The following CIMIP2A variants were observed in gnomAD, a reference collection of about 807,000 sequenced individuals.
CIMIP2A encodes the protein ciliary microtubule inner protein 2A.
the CIMIP2A span, chr9:137,244,072 A>G: frequency 4.0e-6 from 5 of 1,242,670 alleles, no homozygotes; most frequent in African/African-American, 1.5e-5. Context: ...TAATGGTCAG[A>G]CAGGTGGTCC....
the CIMIP2A span, chr9:137,245,862 G>A: frequency 1.1e-5 from 16 of 1,498,532 alleles, no homozygotes; most frequent in African/African-American, 1.4e-5. Flanking sequence ...AGCTGTGGAG[G>A]GAAGAGAAGA....
chr9:137,243,924 G>A, the CIMIP2A span: 59 of 1,066,774 alleles, frequency 5.5e-5, no homozygotes, highest in Non-Finnish European at 8.2e-5. Context: ...GCTTGTTGAA[G>A]GCAGGCCTGT....
chr9:137,245,027 A>T, the CIMIP2A span: 3 of 1,610,316 alleles, frequency 1.9e-6, no homozygotes, highest in Non-Finnish European at 1.7e-6. Context: ...AGGGGCTCTC[A>T]CACTGCAAGA....
chr9:137,245,919 T>C, the CIMIP2A span: 3 of 1,309,402 alleles, frequency 2.3e-6, no homozygotes, highest in Non-Finnish European at 3.0e-6. Context: ...GCAGGGCCCC[T>C]TCAAGCCAGA....
At chr9:137,248,110 C>T in the CIMIP2A span, among the ~76,000 whole-genome samples, 12 of 152,258 alleles carry the variant, frequency 7.9e-5, no homozygotes, top group Admixed American at 7.9e-4. Context: ...AGAGCCTTGG[C>T]TCGAGTCAGG....
the CIMIP2A span, chr9:137,252,697 G>GCCCGCCTTC: frequency 5.8e-6 from 9 of 1,550,666 alleles, no homozygotes; most frequent in African/African-American, 2.7e-5. Context: ...TGCTCAGCCG[G>GCCCGCCTTC]CCCGCCTTCC....
chr9:137,251,021 G>T, the CIMIP2A span: 1 of 472,990 alleles, frequency 2.1e-6, no homozygotes, highest in Non-Finnish European at 3.9e-6. Flanking sequence ...AGACCCCAGG[G>T]TGCAGGAGAG....
At chr9:137,244,057 C>T in the CIMIP2A span, 1 of 1,153,968 alleles carries the variant, frequency 8.7e-7, no homozygotes, top group Non-Finnish European at 1.3e-6. Flanking sequence ...AAGGTGGGAC[C>T]CTGGTAATGG....
At chr9:137,246,179 G>C in the CIMIP2A span, among the ~76,000 whole-genome samples, 7 of 152,360 alleles carry the variant, frequency 4.6e-5, no homozygotes, top group East Asian at 1.3e-3. Flanking sequence ...GCTCTGCCCT[G>C]GCAAAGCAAG....
the CIMIP2A span, among the ~76,000 whole-genome samples, chr9:137,248,067 G>T: frequency 6.6e-6 from 1 of 152,170 alleles, no homozygotes; most frequent in Non-Finnish European, 1.5e-5. Context: ...GAGTCCCCAG[G>T]CCCCCTCCTC....
At chr9:137,245,465 T>C in the CIMIP2A span, 7 of 1,613,564 alleles carry the variant, frequency 4.3e-6, no homozygotes, top group Non-Finnish European at 5.9e-6. Context: ...AGAATCTGTC[T>C]GGGTATGTTC....
the CIMIP2A span, chr9:137,245,139 C>T: frequency 1.4e-3 from 2,156 of 1,595,538 alleles, 74 homozygotes; most frequent in East Asian, 0.044. Flanking sequence ...CTGCGGCAGC[C>T]GCTGGAAGCT....
the CIMIP2A span, chr9:137,244,326 G>A: frequency 3.5e-5 from 56 of 1,611,936 alleles, no homozygotes; most frequent in Middle Eastern, 1.6e-4. Context: ...CTCCCTCCCC[G>A]GCAGGCAAAC....
At chr9:137,247,522 G>A in the CIMIP2A span, 1 of 778,986 alleles carries the variant, frequency 1.3e-6, no homozygotes, top group Admixed American at 2.4e-5. Context: ...ACAGACTGCA[G>A]TGCCCCGTGG....
the CIMIP2A span, chr9:137,251,409 G>A: frequency 6.3e-7 from 1 of 1,596,868 alleles, no homozygotes; most frequent in East Asian, 2.2e-5. Context: ...AACTGGCGGA[G>A]AGGGGGAGAA....
chr9:137,243,908 G>A, the CIMIP2A span: 10 of 1,159,024 alleles, frequency 8.6e-6, no homozygotes, highest in Non-Finnish European at 1.3e-6. Context: ...GCTTGGTGGG[G>A]AACTTGCTTG....
At chr9:137,244,471 A>G in the CIMIP2A span, 24 of 1,497,116 alleles carry the variant, frequency 1.6e-5, no homozygotes, top group African/African-American at 9.7e-5. Flanking sequence ...AGCAAGACTC[A>G]GGAGAGAGGG....
chr9:137,243,900 TTGG>T, the CIMIP2A span: 2 of 1,221,892 alleles, frequency 1.6e-6, no homozygotes, highest in Non-Finnish European at 2.4e-6. Flanking sequence ...GGGTATCTGC[TTGG>T]TGGGGAACTT....
At chr9:137,244,521 G>A in the CIMIP2A span, 1 of 1,515,506 alleles carries the variant, frequency 6.6e-7, no homozygotes, top group Non-Finnish European at 8.9e-7. Flanking sequence ...GAGCCAGGCA[G>A]AGCCCCCTCC....
Sources: gnomAD v4.1 joint callset for allele counts (sites outside exome capture counted in the v4.1 genomes callset) on GRCh38, gnomAD v4.1.1 for gene constraint, MANE v1.5 for transcripts, NCBI Gene and HGNC (gene_info 2026-07-23, HGNC 2026-07-21) for gene names.